NEK10: variants seen among roughly 807,000 people sequenced by gnomAD.
NEK10 encodes the protein NIMA related kinase 10.
A neutral mutation model predicts 159.8 loss-of-function variants in NEK10; 122 were observed. The observed-to-expected ratio is 0.76, with a 90% CI of 0.66 to 0.89. NEK10 has a LOEUF of 0.89. Ranked by LOEUF, NEK10 falls within the 40% of genes least tolerant of loss-of-function variation. NEK10 has a pLI of 0.00. For synonymous variants in NEK10, 466 were observed against 457.1 expected (o/e 1.02, Z -0.25); for missense variants, 1,342 against 1,323.1 (o/e 1.01, Z -0.22).
chr3:27,284,488 G>A (rs1260001307), intron 22 of NEK10, 114 bp downstream of exon 22: 1 of 659,118 alleles, frequency 1.5e-6, no homozygotes, highest in African/African-American at 1.8e-5. Flanking sequence ...TACTGTATTG[G>A]ACAGCATAGA....
chr3:27,256,757 C>A (rs963994732), intron 22 of NEK10, among the ~76,000 whole-genome samples: 7 of 152,088 alleles, frequency 4.6e-5, no homozygotes, highest in Non-Finnish European at 1.0e-4. Flanking sequence ...TCAACGTGTA[C>A]TAATCACAGT....
At chr3:27,164,868 T>C (rs997084661) in intron 29 of NEK10, among the ~76,000 whole-genome samples, 37 of 152,376 alleles carry the variant, frequency 2.4e-4, no homozygotes, top group African/African-American at 8.2e-4. Flanking sequence ...GTTTGCAAGA[T>C]GACTATTCCA....
chr3:27,252,875 C>A, intron 23 of NEK10: 1 of 512,744 alleles, frequency 2.0e-6, no homozygotes, highest in South Asian at 1.4e-5. Flanking sequence ...AGGTTGTCTG[C>A]TTGTGGCCAT....
chr3:27,270,922 T>G (rs1323555559), intron 22 of NEK10, among the ~76,000 whole-genome samples: 1 of 152,222 alleles, frequency 6.6e-6, no homozygotes, highest in East Asian at 1.9e-4. Context: ...TTACATTTAT[T>G]TAATTCTTAA....
intron 23 of NEK10, among the ~76,000 whole-genome samples, chr3:27,230,600 C>A (rs959399829): frequency 1.3e-5 from 2 of 151,860 alleles, no homozygotes; most frequent in Admixed American, 6.6e-5. Context: ...AACAACCAAC[C>A]AAATATCTGC....
intron 22 of NEK10, among the ~76,000 whole-genome samples, chr3:27,256,912 CTTTTTTT>C (rs550014186): frequency 4.0e-5 from 5 of 125,098 alleles, no homozygotes; most frequent in African/African-American, 9.2e-5. Flanking sequence ...TTTTTTCTCT[CTTTTTTT>C]TTTTTTTTTT....
intron 32 of NEK10, among the ~76,000 whole-genome samples, chr3:27,122,264 G>A (rs1941426877): frequency 6.6e-6 from 1 of 152,084 alleles, no homozygotes; most frequent in African/African-American, 2.4e-5. Flanking sequence ...GTGAAGAAGT[G>A]AAGAAGTGCC....
intron 26 of NEK10, among the ~76,000 whole-genome samples, chr3:27,185,832 G>A (rs1948563471): frequency 6.6e-6 from 1 of 152,168 alleles, no homozygotes; most frequent in East Asian, 1.9e-4. Context: ...GAATCACTTG[G>A]TAGAAGTAAG....
chr3:27,202,427 C>A lies in NEK10; in HGVS notation c.2220+1G>T. On this transcript the variant is annotated splice_donor_variant, in intron 24 of 35. Coordinates refer to ENST00000691995, the MANE Select transcript of NEK10 (RefSeq NM_001394966.1). LOFTEE classifies it high-confidence loss of function. The stretch of plus-strand genomic sequence containing the variant: ...CCCTTCTGTCTCCCAGCGTTGCTTA[C>A]TTTTGTAGCCAAGGACAGCATGTTA... The A allele has an allele frequency of 6.2e-7, 1 of 1,607,074 alleles. No homozygotes were observed. Among genetic ancestry groups the A allele is most frequent in the Non-Finnish European group, 8.5e-7 (1 of 1,175,802 alleles).
At chr3:27,257,632 C>T (rs1363385877) in intron 22 of NEK10, among the ~76,000 whole-genome samples, 1 of 152,112 alleles carries the variant, frequency 6.6e-6, no homozygotes, top group Non-Finnish European at 1.5e-5. Context: ...ACTCATAGCA[C>T]TCTGAAAGAC....
intron 32 of NEK10, among the ~76,000 whole-genome samples, chr3:27,130,525 T>A (rs1160383633): frequency 6.6e-6 from 1 of 152,142 alleles, no homozygotes; most frequent in Non-Finnish European, 1.5e-5. Flanking sequence ...GAAGCACTGA[T>A]GGAAAATCAC....
chr3:27,161,612 G>T (rs1946017635), intron 30 of NEK10, among the ~76,000 whole-genome samples: 1 of 152,198 alleles, frequency 6.6e-6, no homozygotes, highest in South Asian at 2.1e-4. Context: ...GAATTGTCTA[G>T]GTTTAGCTAA....
intron 23 of NEK10, chr3:27,215,509 G>A (rs1951422277): frequency 4.5e-6 from 2 of 440,478 alleles, no homozygotes; most frequent in Non-Finnish European, 8.0e-6. Context: ...AAAATATAAG[G>A]CATAGAATAT....
chr3:27,307,281 G>C (rs2044319577), intron 11 of NEK10, among the ~76,000 whole-genome samples: 1 of 152,022 alleles, frequency 6.6e-6, no homozygotes. Context: ...TATCTATTTT[G>C]CCTCTTTAGA....
chr3:27,285,529 A>C (rs200300963), intron 20 of NEK10, among the ~76,000 whole-genome samples: 59,979 of 151,408 alleles, frequency 0.4, 15,236 homozygotes, highest in African/African-American at 0.73. Context: ...CAAAAAAAAA[A>C]AAACAAACAA....
At position 27,111,190 on chromosome 3, in the gene NEK10, C is replaced by A; in HGVS notation, c.*82G>T. The A allele has an allele frequency of 1.5e-6, 2 of 1,345,062 alleles. No individual in the cohort carries two copies. Among genetic ancestry groups the A allele is most frequent in the Non-Finnish European group, 2.1e-6 (2 of 943,738 alleles). The allele number at this position is 1,345,062 out of a possible 1,614,324, so 83.3% of individuals were successfully genotyped here. A position where few individuals can be genotyped will look rare whatever the true frequency, so the allele number is the denominator to read the frequency against. On this transcript the variant is annotated 3_prime_UTR_variant, in exon 36 of 36. Transcript: ENST00000691995. ...TCCACACCCTCTAGCAGCACCCAATCCTTGGGCATCTTGCAATAGCGGCTG... is the reference window on the plus strand; with the variant it reads ...TCCACACCCTCTAGCAGCACCCAATACTTGGGCATCTTGCAATAGCGGCTG...
chr3:27,337,059 C>G (rs2046855624), intron 5 of NEK10, among the ~76,000 whole-genome samples: 1 of 151,956 alleles, frequency 6.6e-6, no homozygotes, highest in Non-Finnish European at 1.5e-5. Context: ...TACCTCTTTG[C>G]AGATGACAGG....
intron 23 of NEK10, among the ~76,000 whole-genome samples, chr3:27,242,480 T>C (rs1481455163): frequency 6.6e-6 from 1 of 152,084 alleles, no homozygotes. Flanking sequence ...AAAAATTAAG[T>C]AGCTTGCCCA....
At chr3:27,353,368 G>A (rs1290374071) in intron 1 of NEK10, among the ~76,000 whole-genome samples, 3 of 152,056 alleles carry the variant, frequency 2.0e-5, no homozygotes, top group African/African-American at 7.2e-5. Flanking sequence ...TCAATGTGTT[G>A]TTCAGGCATG....
Sources: gnomAD v4.1 joint callset for allele counts (sites outside exome capture counted in the v4.1 genomes callset) on GRCh38, gnomAD v4.1.1 for gene constraint, MANE v1.5 for transcripts, NCBI Gene and HGNC (gene_info 2026-07-23, HGNC 2026-07-21) for gene names.